The following SERINC5 variants were observed in gnomAD, a reference collection of about 807,000 sequenced individuals.
SERINC5 encodes the protein serine incorporator 5, also known as chromosome 5 open reading frame 12.
SERINC5 carries 41 observed loss-of-function variants against 63.1 expected under a neutral mutation model. The ratio of observed to expected loss-of-function variants is 0.65; its 90% CI spans 0.51 to 0.84. The LOEUF is 0.84. SERINC5 is among the 40% of genes least tolerant of loss of function. SERINC5 has a pLI of 0.00. For synonymous variants in SERINC5, 222 were observed against 215.2 expected, an observed-to-expected ratio of 1.03 and a Z score of -0.28; for missense variants, 523 against 573.0, an observed-to-expected ratio of 0.91 and a Z score of 0.89.
At chr5:80,236,119 A>G (rs1751675725) in intron 1 of SERINC5, among the ~76,000 whole-genome samples, 1 of 152,144 alleles carries the variant, frequency 6.6e-6, no homozygotes, top group Non-Finnish European at 1.5e-5. Flanking sequence ...CCTACTGACA[A>G]CTTACAATTT....
intron 2 of SERINC5, among the ~76,000 whole-genome samples, chr5:80,181,415 T>TG (rs1240295480): frequency 3.2e-4 from 30 of 94,086 alleles, no homozygotes; most frequent in East Asian, 2.2e-3. Context: ...CTCAGCTAAT[T>TG]TTGTGTGTGT....
chr5:80,213,387 G>A (rs900862539), intron 1 of SERINC5, among the ~76,000 whole-genome samples: 3 of 152,084 alleles, frequency 2.0e-5, no homozygotes, highest in Non-Finnish European at 4.4e-5. Context: ...TTACAGAGAC[G>A]AGACCAAGGC....
chr5:80,144,467 C>T (rs1358339585), intron 11 of SERINC5, among the ~76,000 whole-genome samples: 1 of 152,194 alleles, frequency 6.6e-6, no homozygotes, highest in Non-Finnish European at 1.5e-5. Context: ...TTCAAACCAG[C>T]AATGTAAGAG....
intron 1 of SERINC5, among the ~76,000 whole-genome samples, chr5:80,203,642 T>C (rs1044012962): frequency 5.3e-5 from 8 of 152,116 alleles, no homozygotes; most frequent in Non-Finnish European, 1.0e-4. Context: ...CAAAAGTAAT[T>C]GTGGTTTTTG....
At chr5:80,123,125 T>C (rs2112238096) in intron 11 of SERINC5, among the ~76,000 whole-genome samples, 1 of 152,248 alleles carries the variant, frequency 6.6e-6, no homozygotes, top group East Asian at 1.9e-4. Flanking sequence ...AGACGGAGTC[T>C]CACTCTCTTT....
At chr5:80,228,594 T>G (rs1751281007) in intron 1 of SERINC5, among the ~76,000 whole-genome samples, 1 of 152,168 alleles carries the variant, frequency 6.6e-6, no homozygotes, top group African/African-American at 2.4e-5. Context: ...TACTTAGGAC[T>G]ACAGGCACAT....
At position 80,139,107 on chromosome 5, in the gene SERINC5, ATATTG is replaced by A. The variant is rs1745351630; in HGVS notation, c.*4551_*4555del. 1 of 984,554 alleles carries A rather than the reference ATATTG, an allele frequency of 1.0e-6. No individual in the cohort carries two copies. The highest frequency in any genetic ancestry group is 1.2e-6 in the Non-Finnish European group (1 of 829,200). The allele number at this position is 984,554 out of a possible 1,614,324, so 61.0% of individuals were successfully genotyped here. A position where few individuals can be genotyped will look rare whatever the true frequency, so the allele number is the denominator to read the frequency against. On this transcript the variant is annotated 3_prime_UTR_variant, in exon 12 of 12. Coordinates refer to ENST00000507668, the MANE Select transcript of SERINC5 (RefSeq NM_001174072.3). ...ATTTCAAACAGTAGATTTACCACACATATTGCATTTTCAAATTCTAATGTAGCAAA... is the reference window on the plus strand; with the variant it reads ...ATTTCAAACAGTAGATTTACCACACACATTTTCAAATTCTAATGTAGCAAA...
intron 1 of SERINC5, among the ~76,000 whole-genome samples, chr5:80,211,596 A>G (rs1252781252): frequency 6.6e-6 from 1 of 152,226 alleles, no homozygotes; most frequent in Admixed American, 6.5e-5. Context: ...CTGCGGGCTG[A>G]AACTCTGCCT....
Position 80,143,552 on chromosome 5 carries a change from T to C in SERINC5, c.*111A>G. ...ATTTTTTTTTTTCTCTCTCAAAGCT[T>C]TTTCAGACCCACTCAGGCACAGGGC... On this transcript the variant is annotated 3_prime_UTR_variant, in exon 12 of 12. Transcript: ENST00000507668. 7.3e-7 allele frequency: 1 copy of C among 1,376,488 alleles called. No individual in the cohort carries two copies. Among genetic ancestry groups the C allele is most frequent in the South Asian group, 1.8e-5 (1 of 54,736 alleles). The allele number at this position is 1,376,488 out of a possible 1,614,324, so 85.3% of individuals were successfully genotyped here. A position where few individuals can be genotyped will look rare whatever the true frequency, so the allele number is the denominator to read the frequency against.
intron 2 of SERINC5, among the ~76,000 whole-genome samples, chr5:80,178,985 C>T (rs1458230823): frequency 1.3e-5 from 2 of 148,808 alleles, no homozygotes; most frequent in Non-Finnish European, 3.0e-5. Flanking sequence ...ATGTAATGTT[C>T]TGCAATATTT....
intron 2 of SERINC5, among the ~76,000 whole-genome samples, chr5:80,182,113 A>G (rs1279654688): frequency 2.0e-5 from 3 of 152,144 alleles, no homozygotes; most frequent in Admixed American, 6.5e-5. Context: ...AGATCTAATG[A>G]GTGGATGAGA....
intron 1 of SERINC5, among the ~76,000 whole-genome samples, chr5:80,247,455 C>T (rs1451439110): frequency 6.6e-6 from 1 of 152,164 alleles, no homozygotes; most frequent in Admixed American, 6.5e-5. Flanking sequence ...GCCTTCCACG[C>T]CTACAGACTG....
At chr5:80,227,507 T>C (rs1301641842) in intron 1 of SERINC5, among the ~76,000 whole-genome samples, 43 of 151,016 alleles carry the variant, frequency 2.8e-4, no homozygotes, top group African/African-American at 8.8e-4. Flanking sequence ...ACACCTCTAA[T>C]CCTAGCTCTT....
chr5:80,166,223 A>C (rs914835201), intron 7 of SERINC5, among the ~76,000 whole-genome samples, 160 bp downstream of exon 7: 1 of 152,172 alleles, frequency 6.6e-6, no homozygotes, highest in Non-Finnish European at 1.5e-5. Context: ...TTTTGTACCC[A>C]TTAATCATCC....
chr5:80,145,611 A>AG (rs1370176685), intron 11 of SERINC5, among the ~76,000 whole-genome samples: 9 of 152,182 alleles, frequency 5.9e-5, no homozygotes, highest in Admixed American at 3.9e-4. Flanking sequence ...AATGCTTAGG[A>AG]GTTCCTATTT....
At chr5:80,216,189 G>A (rs1362920130) in intron 1 of SERINC5, among the ~76,000 whole-genome samples, 1 of 152,090 alleles carries the variant, frequency 6.6e-6, no homozygotes, top group Non-Finnish European at 1.5e-5. Flanking sequence ...CTATTGACTG[G>A]GGGCCAGAAA....
chr5:80,176,349 C>A (rs1205035659), intron 4 of SERINC5, among the ~76,000 whole-genome samples: 1 of 152,158 alleles, frequency 6.6e-6, no homozygotes, highest in African/African-American at 2.4e-5. Flanking sequence ...ACAAGTATGA[C>A]CTTAAACAAC....
intron 1 of SERINC5, among the ~76,000 whole-genome samples, chr5:80,218,511 GC>G (rs1750767324): frequency 6.6e-6 from 1 of 152,020 alleles, no homozygotes; most frequent in Admixed American, 6.6e-5. Context: ...TTGCACTCCA[GC>G]CTGGGCAACA....
At chr5:80,193,375 T>C (rs1273273917) in intron 2 of SERINC5, among the ~76,000 whole-genome samples, 1 of 152,228 alleles carries the variant, frequency 6.6e-6, no homozygotes, top group Non-Finnish European at 1.5e-5. Context: ...TTGTCTGTTC[T>C]ATTTATCTGC....
Sources: gnomAD v4.1 joint callset for allele counts (sites outside exome capture counted in the v4.1 genomes callset) on GRCh38, gnomAD v4.1.1 for gene constraint, MANE v1.5 for transcripts, NCBI Gene and HGNC (gene_info 2026-07-23, HGNC 2026-07-21) for gene names.